The following CCDC88A variants were observed in gnomAD, a reference collection of about 807,000 sequenced individuals.
The protein encoded by CCDC88A is coiled-coil and HOOK domain protein 88A.
Under a neutral mutation model 234.3 loss-of-function variants are expected in CCDC88A, and 54 were observed. The ratio of observed to expected loss-of-function variants is 0.23; its 90% CI spans 0.19 to 0.29. CCDC88A has a LOEUF of 0.29. Ranked by LOEUF, CCDC88A falls within the 10% of genes least tolerant of loss-of-function variation. The pLI, the probability that CCDC88A is intolerant of heterozygous loss-of-function variation, is 1.00. For missense variants in CCDC88A, 1,832 were observed against 2,123.4 expected (o/e 0.86, Z 2.70); for synonymous variants, 753 against 737.8 (o/e 1.02, Z -0.33).
At chr2:55,352,256 C>T (rs1669979290) in intron 8 of CCDC88A, among the ~76,000 whole-genome samples, 1 of 151,790 alleles carries the variant, frequency 6.6e-6, no homozygotes, top group Non-Finnish European at 1.5e-5. Context: ...AAAGTGAAAC[C>T]CTGTCTCCAC....
chr2:55,368,271 G>A (rs575935738), intron 5 of CCDC88A, among the ~76,000 whole-genome samples: 3 of 152,070 alleles, frequency 2.0e-5, no homozygotes, highest in Non-Finnish European at 4.4e-5. Flanking sequence ...TTATTTATGT[G>A]GCTTTTACTT....
chr2:55,362,551 A>G, intron 6 of CCDC88A, 103 bp from the exon 7 acceptor site: 1 of 864,224 alleles, frequency 1.2e-6, no homozygotes, highest in Non-Finnish European at 1.7e-6. Flanking sequence ...TAACCCATAT[A>G]AAATATGAAA....
intron 12 of CCDC88A, among the ~76,000 whole-genome samples, chr2:55,343,163 T>C (rs1481765262): frequency 6.6e-6 from 1 of 152,078 alleles, no homozygotes; most frequent in African/African-American, 2.4e-5. Context: ...GGTTGGCAGG[T>C]ATAATCTTAT....
At chr2:55,312,190 T>C (rs1297925906) in intron 23 of CCDC88A, among the ~76,000 whole-genome samples, 2 of 152,218 alleles carry the variant, frequency 1.3e-5, no homozygotes, top group Non-Finnish European at 2.9e-5. Context: ...ACTTCCATTA[T>C]AGAATTACTG....
intron 18 of CCDC88A, chr2:55,321,078 C>G (rs1467625765): frequency 1.4e-5 from 2 of 148,098 alleles, no homozygotes; most frequent in East Asian, 4.0e-4. Context: ...CCACTGCATT[C>G]CAGCCTGGGA....
chr2:55,391,892 G>A (rs1433184790), intron 2 of CCDC88A, among the ~76,000 whole-genome samples: 2 of 152,168 alleles, frequency 1.3e-5, no homozygotes, highest in African/African-American at 4.8e-5. Context: ...ATTCAGTTCA[G>A]AATCGCACTT....
Position 55,309,036 on chromosome 2 carries a change from TA to T in CCDC88A, c.4173-14del. On this transcript the variant is annotated splice_polypyrimidine_tract_variant and intron_variant, in intron 24 of 32. Coordinates refer to ENST00000436346, the MANE Select transcript of CCDC88A (RefSeq NM_001365480.1). This position sits in a 1 kb window ranked among gnomAD's most constrained non-coding sequence, Gnocchi z 5.1. The stretch of plus-strand genomic sequence containing the variant: ...CCAGTTGCCTCTCCTAACAGAATTT[TA>T]AAAATTGTTATCAGTTTAAAATTCA... The T allele has an allele frequency of 6.3e-7, 1 of 1,585,100 alleles. No homozygotes were observed. The highest frequency in any genetic ancestry group is 1.7e-5 in the Admixed American group (1 of 59,596).
chr2:55,343,837 A>T lies in CCDC88A; in HGVS notation c.1189-45T>A, dbSNP rs1189944538. On this transcript the variant is annotated intron_variant, in intron 11 of 32. Coordinates refer to ENST00000436346, the MANE Select transcript of CCDC88A (RefSeq NM_001365480.1). ...TAGGGAGAGAAAAAAGCTAAGAAAC[A>T]GTACAATTTTGAGCAAATACTTTAT... 3 of 1,471,530 alleles carry T rather than the reference A, an allele frequency of 2.0e-6. No individual in the cohort carries two copies. In the South Asian group the frequency reaches 4.1e-5, roughly 20 times the overall value. The allele number at this position is 1,471,530 out of a possible 1,614,324, so 91.2% of individuals were successfully genotyped here.
At chr2:55,379,262 A>G (rs1305900908) in intron 3 of CCDC88A, among the ~76,000 whole-genome samples, 1 of 152,184 alleles carries the variant, frequency 6.6e-6, no homozygotes, top group Non-Finnish European at 1.5e-5. Context: ...AGAATATATA[A>G]ATGAGCCCAA....
intron 27 of CCDC88A, 79 bp from the exon 28 acceptor site, chr2:55,301,356 G>T: frequency 1.3e-6 from 1 of 742,106 alleles, no homozygotes; most frequent in South Asian, 1.8e-5. Context: ...CATAGAATAT[G>T]GAAATTGTTT....
intron 2 of CCDC88A, chr2:55,417,503 C>T (rs1259808448): frequency 6.6e-6 from 1 of 151,950 alleles, no homozygotes; most frequent in African/African-American, 2.4e-5. Context: ...GTCAAAAATA[C>T]ATTTACTAAC....
intron 16 of CCDC88A, chr2:55,329,652 G>A (rs553168194): frequency 2.0e-5 from 3 of 152,244 alleles, no homozygotes; most frequent in South Asian, 4.1e-4. Flanking sequence ...ATGGATAAGA[G>A]GCCTGAAAAC....
At chr2:55,322,399 T>A in intron 18 of CCDC88A, 129 bp downstream of exon 18, 2 of 600,020 alleles carry the variant, frequency 3.3e-6, no homozygotes, top group Non-Finnish European at 5.7e-6. Context: ...AAAAGGACTA[T>A]ATGACTAGAA....
At chr2:55,344,018 C>T in intron 11 of CCDC88A, 1 of 414,586 alleles carries the variant, frequency 2.4e-6, no homozygotes, top group East Asian at 3.8e-5. Flanking sequence ...GAAAATTCTT[C>T]TTCATAGTCA....
intron 28 of CCDC88A, 38 bp from the exon 29 acceptor site, chr2:55,299,957 C>A (rs748765568): frequency 2.8e-6 from 4 of 1,417,702 alleles, no homozygotes; most frequent in Non-Finnish European, 3.0e-6. Context: ...GATAAAACTT[C>A]TAGCTGATGA....
chr2:55,289,315 C>G lies in CCDC88A; in HGVS notation c.*1885G>C, dbSNP rs1201596987. On this transcript the variant is annotated 3_prime_UTR_variant, in exon 33 of 33. Coordinates refer to ENST00000436346, the MANE Select transcript of CCDC88A (RefSeq NM_001365480.1). ...AATATAAATCTAAGTTACCCACTAACTGTATTTAGCCATAACATAATTTCT... is the reference window on the plus strand; with the variant it reads ...AATATAAATCTAAGTTACCCACTAAGTGTATTTAGCCATAACATAATTTCT... 2 of 152,572 alleles carry G rather than the reference C, an allele frequency of 1.3e-5. No individual in the cohort carries two copies. The highest frequency in any genetic ancestry group is 2.4e-5 in the African/African-American group (1 of 41,454). The allele number at this position is 152,572 out of a possible 1,614,324, so 9.5% of individuals were successfully genotyped here. A position where few individuals can be genotyped will look rare whatever the true frequency, so the allele number is the denominator to read the frequency against.
chr2:55,384,339 T>A (rs57410428), intron 3 of CCDC88A, among the ~76,000 whole-genome samples: 5 of 144,794 alleles, frequency 3.5e-5, no homozygotes, highest in African/African-American at 1.0e-4. Flanking sequence ...AAAAAAAAAA[T>A]CCAGAAGTGT....
At chr2:55,347,394 G>A (rs1322399122) in intron 9 of CCDC88A, among the ~76,000 whole-genome samples, 3 of 151,928 alleles carry the variant, frequency 2.0e-5, no homozygotes, top group African/African-American at 7.3e-5. Flanking sequence ...CTCTCATGAG[G>A]GCAGAGTAAA....
rs1408181238 is a variant in CCDC88A, at chr2:55,309,929, A to G, written c.4080-675T>C. ...GTGTGTGTATATATATAAAATGACT[A>G]TATAATCCAAGGTAGTAGCAGTACC... is the stretch of plus-strand genomic sequence containing the variant. On this transcript the variant is annotated intron_variant, in intron 23 of 32. Transcript: ENST00000436346. This position sits in a 1 kb window ranked among gnomAD's most constrained non-coding sequence, Gnocchi z 5.1. 6.6e-6 allele frequency among the ~76,000 whole-genome samples: 1 copy of G among 152,202 alleles called. No homozygotes were observed. Among genetic ancestry groups the G allele is most frequent in the Non-Finnish European group, 1.5e-5 (1 of 68,034 alleles).
Sources: gnomAD v4.1 joint callset for allele counts (sites outside exome capture counted in the v4.1 genomes callset) on GRCh38, gnomAD v4.1.1 for gene constraint, Gnocchi (gnomAD v3.1) non-coding constraint, MANE v1.5 for transcripts, NCBI Gene and HGNC (gene_info 2026-07-23, HGNC 2026-07-21) for gene names.